ADAMTS18: variants seen among roughly 807,000 people sequenced by gnomAD.
ADAMTS18 encodes the protein ADAM metallopeptidase with thrombospondin type 1 motif 18, also known as A disintegrin and metalloproteinase with thrombospondin motifs 18.
In ADAMTS18, 157 loss-of-function variants were observed where a neutral mutation model predicts 165.9. That is an observed-to-expected ratio of 0.95 (90% CI 0.83 to 1.08). The LOEUF (loss-of-function observed/expected upper bound fraction) is 1.08, where lower values mean the gene tolerates loss of function less well. Among genes scored for constraint, ADAMTS18 ranks in the 50% least tolerant of loss-of-function variants. The probability of loss-of-function intolerance (pLI) is 0.00; values close to 1 mark genes in which losing one functional copy is unlikely to be tolerated. For synonymous variants in ADAMTS18, 782 were observed against 578.2 expected, an observed-to-expected ratio of 1.35 and a Z score of -5.06; for missense variants, 2,040 against 1,534.0, an observed-to-expected ratio of 1.33 and a Z score of -5.51.
chr16:77,431,170 G>T, intron 3 of ADAMTS18, 125 bp downstream of exon 3: 2 of 983,868 alleles, frequency 2.0e-6, no homozygotes, highest in South Asian at 1.4e-5. Flanking sequence ...AATATTAGAA[G>T]TATCAAGGCT....
intron 12 of ADAMTS18, among the ~76,000 whole-genome samples, chr16:77,331,628 G>C (rs939993628): frequency 6.6e-6 from 1 of 152,138 alleles, no homozygotes; most frequent in African/African-American, 2.4e-5. Flanking sequence ...AGGACATTTG[G>C]CAATGTCTGG....
intron 18 of ADAMTS18, among the ~76,000 whole-genome samples, chr16:77,296,625 G>C (rs1047974611): frequency 2.0e-5 from 3 of 152,166 alleles, no homozygotes; most frequent in Non-Finnish European, 4.4e-5. Context: ...CTTGAGGCCA[G>C]CCTGGCCAAC....
chr16:77,316,101 C>T (rs2055881747), intron 16 of ADAMTS18, among the ~76,000 whole-genome samples: 1 of 152,166 alleles, frequency 6.6e-6, no homozygotes, highest in South Asian at 2.1e-4. Flanking sequence ...AGTTCTCTAC[C>T]ATAATACACT....
chr16:77,339,298 T>C lies in ADAMTS18; in HGVS notation c.1710+2406A>G, dbSNP rs560592741. ...TGGAACTTATTAAGATGCTTTCTGT[T>C]GAGGGTGACATTACACTTAAGGGCT... is the stretch of plus-strand genomic sequence containing the variant. On this transcript the variant is annotated intron_variant, in intron 11 of 22. Coordinates refer to ENST00000282849, the MANE Select transcript of ADAMTS18 (RefSeq NM_199355.4). Among the ~76,000 whole-genome samples the C allele has an allele frequency of 4.6e-5, 7 of 152,192 alleles. No homozygotes were observed. In the East Asian group the frequency reaches 1.2e-3, roughly 25 times the overall value.
chr16:77,341,947 C>T (rs1214295457), intron 10 of ADAMTS18, 148 bp from the exon 11 acceptor site: 3 of 656,102 alleles, frequency 4.6e-6, no homozygotes, highest in Non-Finnish European at 8.0e-6. Flanking sequence ...GTTGGCAACA[C>T]CAAAGTTAAT....
At chr16:77,397,552 T>A (rs1019131665) in intron 3 of ADAMTS18, among the ~76,000 whole-genome samples, 1 of 152,210 alleles carries the variant, frequency 6.6e-6, no homozygotes, top group Non-Finnish European at 1.5e-5. Context: ...TTGGAGTCAT[T>A]AACACAGTGA....
intron 16 of ADAMTS18, among the ~76,000 whole-genome samples, chr16:77,305,751 A>G (rs1597100600): frequency 6.6e-6 from 1 of 152,312 alleles, no homozygotes; most frequent in Admixed American, 6.5e-5. Context: ...GTCCATCACC[A>G]TCAACCAAAC....
Position 77,347,801 on chromosome 16 carries a change from T to G in ADAMTS18, c.1614+5932A>C, listed in dbSNP as rs943875605. Reference sequence around the variant, plus strand: ...TAGGTAGATAATATGAGAGGCAGTATAGTATAATGGTTAATAGAATGTGCT... The same window carrying G: ...TAGGTAGATAATATGAGAGGCAGTAGAGTATAATGGTTAATAGAATGTGCT... On this transcript the variant is annotated intron_variant, in intron 10 of 22. Transcript: ENST00000282849. Among the ~76,000 whole-genome samples the G allele has an allele frequency of 2.0e-5, 3 of 152,166 alleles. No individual in the cohort carries two copies. The South Asian group carries it at 6.2e-4, about 32-fold the overall frequency.
At chr16:77,313,282 C>CCT (rs2055817626) in intron 16 of ADAMTS18, among the ~76,000 whole-genome samples, 1 of 151,436 alleles carries the variant, frequency 6.6e-6, no homozygotes, top group African/African-American at 2.4e-5. Flanking sequence ...GAACACACAC[C>CCT]GGGGCCTGTC....
chr16:77,374,492 A>G (rs1443747747), intron 3 of ADAMTS18, among the ~76,000 whole-genome samples: 2 of 152,142 alleles, frequency 1.3e-5, no homozygotes, highest in Non-Finnish European at 1.5e-5. Flanking sequence ...GACCCTCTCC[A>G]TGCCCTCACC....
intron 12 of ADAMTS18, among the ~76,000 whole-genome samples, chr16:77,327,141 A>G (rs2056108871): frequency 6.6e-6 from 1 of 152,224 alleles, no homozygotes; most frequent in African/African-American, 2.4e-5. Flanking sequence ...TATCACGACT[A>G]GTGCTACAAT....
intron 3 of ADAMTS18, among the ~76,000 whole-genome samples, chr16:77,380,617 TA>T (rs2057016925): frequency 2.0e-5 from 3 of 152,108 alleles, no homozygotes; most frequent in Admixed American, 2.0e-4. Flanking sequence ...AAATTAAATG[TA>T]AAAATGTTAA....
intron 3 of ADAMTS18, among the ~76,000 whole-genome samples, chr16:77,372,319 G>T (rs1182564878): frequency 6.6e-6 from 1 of 152,212 alleles, no homozygotes; most frequent in Non-Finnish European, 1.5e-5. Context: ...CTGCACTCCA[G>T]TGTTTATTGC....
At chr16:77,398,748 C>G (rs376344985) in intron 3 of ADAMTS18, among the ~76,000 whole-genome samples, 1 of 152,150 alleles carries the variant, frequency 6.6e-6, no homozygotes, top group Admixed American at 6.5e-5. Flanking sequence ...TAAAATAACT[C>G]TAGCCACTGC....
At chr16:77,347,822 G>T (rs1346200746) in intron 10 of ADAMTS18, among the ~76,000 whole-genome samples, 1 of 152,154 alleles carries the variant, frequency 6.6e-6, no homozygotes, top group Non-Finnish European at 1.5e-5. Flanking sequence ...TTAATAGAAT[G>T]TGCTACCCAG....
chr16:77,400,476 GTGTGTTTTGTTT>G (rs1468468058), intron 3 of ADAMTS18, among the ~76,000 whole-genome samples: 44 of 120,340 alleles, frequency 3.7e-4, no homozygotes, highest in African/African-American at 1.2e-3. Context: ...GTGTGTGTGT[GTGTGTTTTGTTT>G]TTTTTTTTTT....
chr16:77,390,355 C>CAGAGA (rs1304129491), intron 3 of ADAMTS18, among the ~76,000 whole-genome samples: 1 of 151,388 alleles, frequency 6.6e-6, no homozygotes, highest in Non-Finnish European at 1.5e-5. Context: ...CTGTGTAGAT[C>CAGAGA]AGAGAAGAGC....
chr16:77,381,072 C>T (rs2057023402), intron 3 of ADAMTS18, among the ~76,000 whole-genome samples: 1 of 151,994 alleles, frequency 6.6e-6, no homozygotes, highest in African/African-American at 2.4e-5. Flanking sequence ...CGGGGTTTCA[C>T]CATGTTGGTC....
chr16:77,379,748 C>T (rs901123626), intron 3 of ADAMTS18, among the ~76,000 whole-genome samples: 4 of 152,170 alleles, frequency 2.6e-5, no homozygotes, highest in African/African-American at 9.6e-5. Context: ...ACCTCGGCCT[C>T]TCAAAGTACT....
Sources: allele counts gnomAD v4.1 joint callset (sites outside exome capture counted in the v4.1 genomes callset), GRCh38; gene constraint gnomAD v4.1.1; transcripts MANE v1.5; gene names NCBI Gene and HGNC (gene_info 2026-07-23, HGNC 2026-07-21).